The following NUP98 variants were observed in gnomAD, a reference collection of about 807,000 sequenced individuals.
NUP98 encodes the protein nuclear pore complex protein Nup98-Nup96.
Under a neutral mutation model 191.9 loss-of-function variants are expected in NUP98, and 26 were observed. The ratio of observed to expected loss-of-function variants is 0.14; its 90% CI spans 0.10 to 0.19. NUP98 has a LOEUF of 0.19. Among genes scored for constraint, NUP98 ranks in the 10% least tolerant of loss-of-function variants. NUP98 has a pLI of 1.00. For synonymous variants in NUP98, 808 were observed against 778.4 expected (o/e 1.04, Z -0.63); for missense variants, 1,941 against 2,178.8 (o/e 0.89, Z 2.17).
At chr11:3,712,180 T>G in intron 20 of NUP98, 1 of 1,070,390 alleles carries the variant, frequency 9.3e-7, no homozygotes, top group Non-Finnish European at 1.1e-6. Flanking sequence ...TAAAAAACCA[T>G]GGAGGTAAAG....
chr11:3,712,123 T>TA (rs1006766999), intron 20 of NUP98: 44 of 1,058,296 alleles, frequency 4.2e-5, no homozygotes, highest in Non-Finnish European at 4.7e-5. Flanking sequence ...CAAACAACTT[T>TA]AAAAAAATGG....
chr11:3,696,830 C>CA (rs60650817), intron 25 of NUP98: 48,890 of 150,372 alleles, frequency 0.33, 8,724 homozygotes, highest in African/African-American at 0.47. Context: ...AAAAACAAAA[C>CA]AAAAAACAAA....
chr11:3,692,090 G>T (rs922738972), intron 27 of NUP98, among the ~76,000 whole-genome samples: 5 of 152,128 alleles, frequency 3.3e-5, no homozygotes, highest in African/African-American at 1.2e-4. Context: ...ATGCATGCGT[G>T]TGAGATGTGC....
At chr11:3,709,704 C>T (rs2078973735) in intron 20 of NUP98, among the ~76,000 whole-genome samples, 1 of 149,506 alleles carries the variant, frequency 6.7e-6, no homozygotes, top group African/African-American at 2.5e-5. Context: ...AACTTAAATT[C>T]ACTTAGTGAA....
At chr11:3,748,893 T>C (rs1589870073) in intron 11 of NUP98, among the ~76,000 whole-genome samples, 1 of 151,140 alleles carries the variant, frequency 6.6e-6, no homozygotes, top group Middle Eastern at 3.5e-3. Context: ...AGAAGTTGGA[T>C]AAGTTGAAAA....
chr11:3,788,432 CT>C (rs1462554070), intron 1 of NUP98, among the ~76,000 whole-genome samples: 1 of 151,478 alleles, frequency 6.6e-6, no homozygotes, highest in East Asian at 1.9e-4. Context: ...GTGAAACCCC[CT>C]GTCTCTACTA....
chr11:3,726,786 CTTT>C (rs906463691), intron 14 of NUP98, among the ~76,000 whole-genome samples: 1 of 144,532 alleles, frequency 6.9e-6, no homozygotes. Context: ...ACTTTTCTTT[CTTT>C]TTTTTTTTTT....
At position 3,778,981 on chromosome 11, in the gene NUP98, T is replaced by C; in HGVS notation, c.247A>G (p.Thr83Ala). ...TSTSTGFGFG[T>A]STGTANTLFG... ...AAGGTATTTGCTGTTCCTGTTGACG[T>C]ACCAAACCCAAAGCCAGTGCTTGTG... The change falls in exon 4 of 33, where the codon ACG (threonine) becomes GCG (alanine). Residue 83 changes from threonine (T) to alanine (A), a missense_variant. Thr to Ala is a moderately conservative substitution (Grantham distance 58, BLOSUM62 0). Transcript: ENST00000324932. 2 of 1,614,216 alleles carry C rather than the reference T, an allele frequency of 1.2e-6. No homozygotes were observed. Among genetic ancestry groups the C allele is most frequent in the Non-Finnish European group, 1.7e-6 (2 of 1,180,040 alleles).
rs989043726 is a variant in NUP98, at chr11:3,689,940, ATTTTTTTTTTT to A, written c.4454+1396_4454+1406del. On this transcript the variant is annotated intron_variant, in intron 28 of 32. Coordinates refer to ENST00000324932, the MANE Select transcript of NUP98 (RefSeq NM_016320.5). ...GTGTGAGCCACCATGGCTGGCCTGC[ATTTTTTTTTTT>A]TTTTTTTTTTTTTTTTGAGACAAAG... Among the ~76,000 whole-genome samples, 8 of 73,574 alleles carry A rather than the reference ATTTTTTTTTTT, an allele frequency of 1.1e-4. No homozygotes were observed. The East Asian group carries it at 2.0e-3, about 19-fold the overall frequency. 48.3% of individuals were successfully genotyped at this position (73,574 alleles called of 152,430 possible). A position where few individuals can be genotyped will look rare whatever the true frequency, so the allele number is the denominator to read the frequency against.
Position 3,726,523 on chromosome 11 carries a change from A to AT in NUP98, c.1731-1305dup, listed in dbSNP as rs769374183. Among the ~76,000 whole-genome samples the AT allele has an allele frequency of 8.9e-4, 133 of 149,294 alleles. No individual in the cohort carries two copies. The South Asian group carries it at 9.9e-3, about 11-fold the overall frequency. ...AGGTGTCCCTATAGACGCCACTGAC[A>AT]TTAAAAAAAAAAAAAAAGACAAGGG... On this transcript the variant is annotated intron_variant, in intron 14 of 32. Coordinates refer to ENST00000324932, the MANE Select transcript of NUP98 (RefSeq NM_016320.5).
intron 8 of NUP98, among the ~76,000 whole-genome samples, chr11:3,768,241 G>A (rs1004065146): frequency 6.6e-6 from 1 of 151,990 alleles, no homozygotes; most frequent in Admixed American, 6.6e-5. Flanking sequence ...CAAACACGGT[G>A]AAACCCCATC....
rs114173077 is a variant in NUP98, at chr11:3,773,009, C to A, written c.603+623G>T. On this transcript the variant is annotated intron_variant, in intron 6 of 32. Coordinates refer to ENST00000324932, the MANE Select transcript of NUP98 (RefSeq NM_016320.5). ...AACAAACAAAAAAAACAAAAAAAAA[C>A]CAACTTTTATTAAGCTGTACTTTGC... is the stretch of plus-strand genomic sequence containing the variant. Among the ~76,000 whole-genome samples the A allele has an allele frequency of 7.6e-3, 1,159 of 151,730 alleles. 4 individuals are homozygous for A. Among genetic ancestry groups the A allele is most frequent in the Middle Eastern group, 0.017 (5 of 294 alleles).
chr11:3,795,722 T>C (rs1480116576), intron 1 of NUP98, among the ~76,000 whole-genome samples: 1 of 152,048 alleles, frequency 6.6e-6, no homozygotes, highest in African/African-American at 2.4e-5. Flanking sequence ...AATAGAAATA[T>C]CAAATAAGTG....
At chr11:3,765,947 T>G (rs1349447479) in intron 8 of NUP98, among the ~76,000 whole-genome samples, 1 of 152,226 alleles carries the variant, frequency 6.6e-6, no homozygotes, top group East Asian at 1.9e-4. Context: ...ACTGAATTGT[T>G]TTGGTATCCT....
chr11:3,706,426 A>C lies in NUP98; in HGVS notation c.2925+19T>G. ...TTAGTTTGGCTTTCTGTTACAAAAA[A>C]GGTGGGTTAGAACTTCACCTGTAAG... On this transcript the variant is annotated intron_variant, in intron 21 of 32. Coordinates refer to ENST00000324932, the MANE Select transcript of NUP98 (RefSeq NM_016320.5). 1 of 1,612,392 alleles carries C rather than the reference A, an allele frequency of 6.2e-7. No homozygotes were observed. Among genetic ancestry groups the C allele is most frequent in the Non-Finnish European group, 8.5e-7 (1 of 1,178,574 alleles).
Position 3,778,880 on chromosome 11 carries a change from G to A in NUP98, c.348C>T (p.Gly116=), listed in dbSNP as rs61756125. 3 of 1,613,870 alleles carry A rather than the reference G, an allele frequency of 1.9e-6. No homozygotes were observed. Among genetic ancestry groups the A allele is most frequent in the Non-Finnish European group, 2.5e-6 (3 of 1,179,928 alleles). ...CAGTGATGTCCCACTTACTGCCAAA[G>A]CCAGTTGGTTTATTTTGTGCAAAGG... ...NNAFAQNKPT[G]FGNFGTSTSS... Residue 116 remains glycine, a synonymous_variant, in exon 4 of 33, where the codon GGC becomes GGT. Transcript: ENST00000324932.
Position 3,731,512 on chromosome 11 carries a change from G to C in NUP98, c.1609C>G (p.Pro537Ala), listed in dbSNP as rs2079852227. ...LTTPTHYKLT[P>A]RPATRVRPKA... ...GGCCGGACTCTAGTGGCAGGGCGGGGTGTCAGTTTATAATGAGTAGGTGTA... is the reference window on the plus strand; with the variant it reads ...GGCCGGACTCTAGTGGCAGGGCGGGCTGTCAGTTTATAATGAGTAGGTGTA... Residue 537 changes from proline to alanine, a missense_variant, in exon 14 of 33, where the codon CCC (proline) becomes GCC (alanine). By Grantham distance (27) the Pro-to-Ala change is conservative (BLOSUM62 -1). Coordinates refer to ENST00000324932, the MANE Select transcript of NUP98 (RefSeq NM_016320.5). The C allele has an allele frequency of 1.9e-6, 3 of 1,608,038 alleles. No individual in the cohort carries two copies.
intron 5 of NUP98, among the ~76,000 whole-genome samples, chr11:3,775,474 T>C (rs2081683983): frequency 6.6e-6 from 1 of 151,704 alleles, no homozygotes; most frequent in African/African-American, 2.4e-5. Flanking sequence ...AGGTAGAGGT[T>C]GCAGTGAGCT....
intron 11 of NUP98, among the ~76,000 whole-genome samples, chr11:3,749,170 C>T (rs534789716): frequency 0.014 from 2,081 of 150,968 alleles, 43 homozygotes; most frequent in African/African-American, 0.046. Flanking sequence ...TAGCCGGGCG[C>T]GGTGGCGGGC....
Sources: allele counts gnomAD v4.1 joint callset (sites outside exome capture counted in the v4.1 genomes callset), GRCh38; gene constraint gnomAD v4.1.1; transcripts MANE v1.5; gene names NCBI Gene and HGNC (gene_info 2026-07-23, HGNC 2026-07-21).